The following TMEM117 variants were observed in gnomAD, a reference collection of about 807,000 sequenced individuals.
TMEM117 encodes the protein transmembrane protein 117.
A neutral mutation model predicts 52.4 loss-of-function variants in TMEM117; 27 were observed. The observed-to-expected ratio is 0.51, with a 90% CI of 0.38 to 0.71. The LOEUF is 0.71. Ranked by LOEUF, TMEM117 falls within the 30% of genes least tolerant of loss-of-function variation. The probability of loss-of-function intolerance (pLI) is 0.00; values close to 1 mark genes in which losing one functional copy is unlikely to be tolerated. For missense variants in TMEM117, 556 were observed against 630.5 expected, an observed-to-expected ratio of 0.88 and a Z score of 1.26; for synonymous variants, 215 against 206.3, an observed-to-expected ratio of 1.04 and a Z score of -0.36.
At chr12:44,268,579 T>C (rs1466701353) in intron 5 of TMEM117, among the ~76,000 whole-genome samples, 1 of 152,148 alleles carries the variant, frequency 6.6e-6, no homozygotes, top group Non-Finnish European at 1.5e-5. Flanking sequence ...TGTATGAGTT[T>C]ATCATTTATA....
intron 3 of TMEM117, among the ~76,000 whole-genome samples, chr12:44,018,007 G>A (rs1946398818): frequency 6.6e-6 from 1 of 151,942 alleles, no homozygotes; most frequent in Non-Finnish European, 1.5e-5. Context: ...TATTTAATTA[G>A]ACTCTCTAGT....
intron 6 of TMEM117, among the ~76,000 whole-genome samples, chr12:44,304,682 G>A (rs1163863170): frequency 6.6e-6 from 1 of 152,136 alleles, no homozygotes; most frequent in Admixed American, 6.5e-5. Flanking sequence ...CCCTATTTCA[G>A]GTTCTACCTC....
chr12:43,920,261 C>T (rs1264656519), intron 2 of TMEM117, among the ~76,000 whole-genome samples: 1 of 152,180 alleles, frequency 6.6e-6, no homozygotes, highest in African/African-American at 2.4e-5. Context: ...CATGGTGGCT[C>T]ACGCCTATAA....
At chr12:43,806,343 G>T in the TMEM117 span, 2 of 1,272,784 alleles carry the variant, frequency 1.6e-6, no homozygotes, top group Non-Finnish European at 2.0e-6. Context: ...GCCCCGGCGC[G>T]TCATCCGCCC....
intron 2 of TMEM117, among the ~76,000 whole-genome samples, chr12:43,936,871 T>C (rs1944959334): frequency 2.0e-5 from 3 of 152,168 alleles, no homozygotes; most frequent in Non-Finnish European, 2.9e-5. Flanking sequence ...GATTACTCTT[T>C]CTTGAAGTCT....
At chr12:44,060,555 T>TC (rs1947123824) in intron 3 of TMEM117, among the ~76,000 whole-genome samples, 1 of 152,216 alleles carries the variant, frequency 6.6e-6, no homozygotes, top group Admixed American at 6.5e-5. Context: ...CCTGTGGTCT[T>TC]CATCTTCTAA....
intron 4 of TMEM117, among the ~76,000 whole-genome samples, chr12:44,201,103 A>G (rs1440557545): frequency 1.3e-5 from 2 of 152,188 alleles, no homozygotes; most frequent in Non-Finnish European, 2.9e-5. Flanking sequence ...TAGGGAAGTA[A>G]TTGCCTTTTA....
chr12:44,267,557 A>G (rs1950394165), intron 5 of TMEM117, among the ~76,000 whole-genome samples: 1 of 152,198 alleles, frequency 6.6e-6, no homozygotes, highest in African/African-American at 2.4e-5. Flanking sequence ...TTACTTTGTT[A>G]GCAAAATTGT....
chr12:44,154,127 T>C (rs2138235224), intron 4 of TMEM117, among the ~76,000 whole-genome samples: 1 of 152,200 alleles, frequency 6.6e-6, no homozygotes, highest in African/African-American at 2.4e-5. Flanking sequence ...AATTGCTCAG[T>C]GAAACATCTT....
intron 3 of TMEM117, among the ~76,000 whole-genome samples, chr12:44,097,690 G>A (rs1332529256): frequency 7.6e-6 from 1 of 131,788 alleles, no homozygotes; most frequent in Non-Finnish European, 1.6e-5. Flanking sequence ...ATAGGAAGGG[G>A]AACATCACAC....
chr12:44,200,127 CACAAACAA>C (rs891863233), intron 4 of TMEM117, among the ~76,000 whole-genome samples: 1 of 151,936 alleles, frequency 6.6e-6, no homozygotes, highest in Non-Finnish European at 1.5e-5. Context: ...TCAAAAAACA[CACAAACAA>C]ACAAACAAAC....
intron 6 of TMEM117, among the ~76,000 whole-genome samples, chr12:44,334,463 G>A (rs138718229): frequency 6.6e-6 from 1 of 152,128 alleles, no homozygotes; most frequent in African/African-American, 2.4e-5. Context: ...GAAAAGGCAT[G>A]GTGCAGCTCT....
At chr12:44,043,157 C>T (rs1200862456) in intron 3 of TMEM117, among the ~76,000 whole-genome samples, 1 of 152,116 alleles carries the variant, frequency 6.6e-6, no homozygotes. Flanking sequence ...GTTTAGTGGA[C>T]AAAGTGATGA....
intron 5 of TMEM117, among the ~76,000 whole-genome samples, chr12:44,260,048 T>C (rs1422575756): frequency 6.6e-6 from 1 of 152,298 alleles, no homozygotes; most frequent in African/African-American, 2.4e-5. Flanking sequence ...CTGGTCAGAA[T>C]TGGCTGTGGA....
At chr12:44,177,712 T>C (rs898045580) in intron 4 of TMEM117, among the ~76,000 whole-genome samples, 1 of 152,214 alleles carries the variant, frequency 6.6e-6, no homozygotes, top group Non-Finnish European at 1.5e-5. Flanking sequence ...TAGCTATAAA[T>C]CATCCATTTA....
chr12:43,945,833 T>C (rs1592383701), intron 3 of TMEM117, among the ~76,000 whole-genome samples: 1 of 152,282 alleles, frequency 6.6e-6, no homozygotes, highest in East Asian at 1.9e-4. Flanking sequence ...TCCAGTTCCA[T>C]GGGAAACATG....
chr12:43,818,421 T>G, the TMEM117 span, among the ~76,000 whole-genome samples: 300 of 122,164 alleles, frequency 2.5e-3, no homozygotes, highest in Middle Eastern at 4.3e-3. Flanking sequence ...TTTGTATCTG[T>G]TTTTTTTTTG....
chr12:43,963,000 T>C (rs904468301), intron 3 of TMEM117, among the ~76,000 whole-genome samples: 6 of 151,890 alleles, frequency 4.0e-5, no homozygotes, highest in Non-Finnish European at 8.8e-5. Flanking sequence ...TTCAGCATCC[T>C]ATATAGTAAT....
chr12:44,125,132 T>C (rs1948301650), intron 3 of TMEM117, among the ~76,000 whole-genome samples: 1 of 151,958 alleles, frequency 6.6e-6, no homozygotes, highest in Non-Finnish European at 1.5e-5. Flanking sequence ...TGAGACGGAG[T>C]CTTGCTCTTT....
Sources: gnomAD v4.1 joint callset for allele counts (sites outside exome capture counted in the v4.1 genomes callset) on GRCh38, gnomAD v4.1.1 for gene constraint, MANE v1.5 for transcripts, NCBI Gene and HGNC (gene_info 2026-07-23, HGNC 2026-07-21) for gene names.